Variants in CNTNAP2 observed in about 807,000 individuals in gnomAD.
CNTNAP2 encodes contactin-associated protein-like 2.
CNTNAP2 carries 98 observed loss-of-function variants against 155.2 expected under a neutral mutation model. That is an observed-to-expected ratio of 0.63 (90% CI 0.54 to 0.75). The LOEUF is 0.75. Among genes scored for constraint, CNTNAP2 ranks in the 30% least tolerant of loss-of-function variants. CNTNAP2 has a pLI of 0.00. For missense variants in CNTNAP2, 1,727 were observed against 1,688.1 expected, an observed-to-expected ratio of 1.02 and a Z score of -0.40; for synonymous variants, 651 against 631.2, an observed-to-expected ratio of 1.03 and a Z score of -0.47.
At chr7:147,454,825 A>C (rs922476657) in intron 10 of CNTNAP2, among the ~76,000 whole-genome samples, 1 of 152,080 alleles carries the variant, frequency 6.6e-6, no homozygotes, top group Non-Finnish European at 1.5e-5. Context: ...TAAAGCTGCC[A>C]GCACTGCAAC....
chr7:147,495,128 A>G (rs1390994101), intron 11 of CNTNAP2, among the ~76,000 whole-genome samples: 3 of 152,190 alleles, frequency 2.0e-5, no homozygotes, highest in Non-Finnish European at 4.4e-5. Context: ...AGAAGGTAAC[A>G]TGTATTTATG....
intron 11 of CNTNAP2, among the ~76,000 whole-genome samples, chr7:147,488,557 A>T (rs1528509): frequency 0.48 from 57,676 of 120,906 alleles, 11,017 homozygotes; most frequent in East Asian, 0.53. Context: ...TTTTTTTTTA[A>T]AAAAAGCAGC....
At chr7:147,705,807 C>T (rs1000714875) in intron 13 of CNTNAP2, among the ~76,000 whole-genome samples, 3 of 152,064 alleles carry the variant, frequency 2.0e-5, no homozygotes, top group African/African-American at 7.2e-5. Flanking sequence ...ATATAATGAT[C>T]TTTCTTGCTT....
Position 146,329,630 on chromosome 7 carries a change from T to G in CNTNAP2, c.97+212657T>G, listed in dbSNP as rs565093848. Among the ~76,000 whole-genome samples the G allele has an allele frequency of 2.0e-5, 3 of 152,338 alleles. No individual in the cohort carries two copies. In the East Asian group the frequency reaches 5.8e-4, roughly 29 times the overall value. ...TCACTTGAAAACCTCAGCTTCGATT[T>G]TTATTATGTCAGTTTCTCTACTCTC... On this transcript the variant is annotated intron_variant, in intron 1 of 23. Coordinates refer to ENST00000361727, the MANE Select transcript of CNTNAP2 (RefSeq NM_014141.6).
chr7:146,903,347 ATC>A (rs1288257157), intron 3 of CNTNAP2, among the ~76,000 whole-genome samples: 2 of 152,154 alleles, frequency 1.3e-5, no homozygotes, highest in African/African-American at 4.8e-5. Flanking sequence ...TCTACCCCAG[ATC>A]TGTCTTCTGA....
chr7:147,447,609 G>C (rs1163252809), intron 10 of CNTNAP2, among the ~76,000 whole-genome samples: 1 of 152,008 alleles, frequency 6.6e-6, no homozygotes, highest in East Asian at 1.9e-4. Flanking sequence ...TAGTAGAGAC[G>C]AGGTTTCAAC....
At chr7:146,872,224 C>T (rs1409015881) in intron 3 of CNTNAP2, among the ~76,000 whole-genome samples, 1 of 142,988 alleles carries the variant, frequency 7.0e-6, no homozygotes, top group Non-Finnish European at 1.5e-5. Context: ...ACGTCATCCA[C>T]CTGTATGAAA....
At chr7:147,142,118 G>A (rs933474449) in intron 8 of CNTNAP2, among the ~76,000 whole-genome samples, 3 of 152,148 alleles carry the variant, frequency 2.0e-5, no homozygotes, top group African/African-American at 7.2e-5. Flanking sequence ...GTGTTGAATA[G>A]GAGTGGTGAG....
intron 15 of CNTNAP2, among the ~76,000 whole-genome samples, chr7:148,087,588 C>T (rs1393201948): frequency 6.6e-6 from 1 of 152,104 alleles, no homozygotes; most frequent in African/African-American, 2.4e-5. Context: ...TTTAACTTGA[C>T]TCCATTGATT....
At chr7:146,442,513 T>G (rs1270561378) in intron 1 of CNTNAP2, among the ~76,000 whole-genome samples, 1 of 152,056 alleles carries the variant, frequency 6.6e-6, no homozygotes, top group Admixed American at 6.6e-5. Context: ...ATCTTAATCT[T>G]ACAGGTCTTT....
intron 1 of CNTNAP2, among the ~76,000 whole-genome samples, chr7:146,615,396 T>TTAGA (rs1478025069): frequency 3.3e-5 from 5 of 152,216 alleles, no homozygotes; most frequent in African/African-American, 1.2e-4. Context: ...AATGTGCTTA[T>TTAGA]TAGAGCCCTT....
chr7:148,381,638 C>T (rs1799061040), intron 21 of CNTNAP2: 1 of 152,174 alleles, frequency 6.6e-6, no homozygotes, highest in South Asian at 2.1e-4. Context: ...GGGGGCAGGC[C>T]CATGGGTGGT....
intron 3 of CNTNAP2, among the ~76,000 whole-genome samples, chr7:146,935,501 C>G (rs1796894681): frequency 6.6e-6 from 1 of 152,144 alleles, no homozygotes; most frequent in South Asian, 2.1e-4. Flanking sequence ...TGCCAGGAGG[C>G]CTTCACTCTT....
intron 1 of CNTNAP2, among the ~76,000 whole-genome samples, chr7:146,393,697 C>G (rs1052623767): frequency 8.5e-5 from 13 of 152,064 alleles, no homozygotes; most frequent in African/African-American, 2.9e-4. Context: ...GCTTAATTCT[C>G]TGGAATGTCT....
intron 3 of CNTNAP2, among the ~76,000 whole-genome samples, chr7:146,849,100 T>TA (rs560937831): frequency 3.9e-5 from 6 of 151,962 alleles, no homozygotes; most frequent in East Asian, 3.9e-4. Context: ...CTTTTTAAAA[T>TA]AAAAAAAACT....
chr7:148,331,781 C>CGG (rs1798029352), intron 21 of CNTNAP2, among the ~76,000 whole-genome samples: 4 of 57,382 alleles, frequency 7.0e-5, no homozygotes, highest in African/African-American at 2.4e-4. Flanking sequence ...ATGGAATGGA[C>CGG]AGATGGAGTG....
chr7:148,127,893 G>T (rs1804747342), intron 16 of CNTNAP2, among the ~76,000 whole-genome samples: 1 of 151,996 alleles, frequency 6.6e-6, no homozygotes, highest in African/African-American at 2.4e-5. Context: ...TTATTTAGAG[G>T]CAGGGCCTCT....
At chr7:147,998,037 G>A (rs541234937) in intron 15 of CNTNAP2, among the ~76,000 whole-genome samples, 1 of 151,800 alleles carries the variant, frequency 6.6e-6, no homozygotes, top group South Asian at 2.1e-4. Context: ...GAATGCTGGG[G>A]CTTATTGTAT....
At chr7:146,968,271 CT>C (rs1461624057) in intron 3 of CNTNAP2, among the ~76,000 whole-genome samples, 2 of 152,106 alleles carry the variant, frequency 1.3e-5, no homozygotes, top group South Asian at 4.2e-4. Context: ...CTAAAATTCT[CT>C]TTTTTTGTTG....
Sources: gnomAD v4.1 joint callset for allele counts (sites outside exome capture counted in the v4.1 genomes callset) on GRCh38, gnomAD v4.1.1 for gene constraint, MANE v1.5 for transcripts, NCBI Gene and HGNC (gene_info 2026-07-23, HGNC 2026-07-21) for gene names.